NUP93: variants seen among roughly 807,000 people sequenced by gnomAD.
NUP93 encodes nuclear pore complex protein Nup93.
A neutral mutation model predicts 107.8 loss-of-function variants in NUP93; 55 were observed. The observed-to-expected ratio is 0.51, with a 90% confidence interval of 0.41 to 0.64. NUP93 has a LOEUF of 0.64. Among genes scored for constraint, NUP93 ranks in the 30% least tolerant of loss-of-function variants. The probability of loss-of-function intolerance (pLI) is 0.00; values close to 1 mark genes in which losing one functional copy is unlikely to be tolerated. For synonymous variants in NUP93, 390 were observed against 397.5 expected (o/e 0.98, Z 0.22); for missense variants, 937 against 1,044.7 (o/e 0.90, Z 1.42).
chr16:56,808,153 T>TTTTATATAGTTACATAACTATATAA lies in NUP93; in HGVS notation c.489+2521_489+2522insTTTATATAGTTACATAACTATATAA, dbSNP rs1963192887. On this transcript the variant is annotated intron_variant, in intron 5 of 21. Transcript: ENST00000308159. ...ATAAATATATTTATATAACTATATA[T>TTTTATATAGTTACATAACTATATAA]AATATATAGTTATATAACTATATAA... is the stretch of plus-strand genomic sequence containing the variant. 4.7e-5 allele frequency among the ~76,000 whole-genome samples: 3 copies of TTTTATATAGTTACATAACTATATAA among 64,088 alleles called. No homozygotes were observed. In the East Asian group the frequency reaches 1.3e-3, roughly 28 times the overall value. 42.0% of individuals were successfully genotyped at this position (64,088 alleles called of 152,430 possible).
At chr16:56,803,676 A>C (rs940368151) in intron 4 of NUP93, among the ~76,000 whole-genome samples, 29 of 152,232 alleles carry the variant, frequency 1.9e-4, no homozygotes, top group African/African-American at 7.0e-4. Context: ...CATTACGGGA[A>C]CATAAATCAA....
At chr16:56,739,434 C>T (rs1961670506) in intron 1 of NUP93, among the ~76,000 whole-genome samples, 3 of 65,608 alleles carry the variant, frequency 4.6e-5, no homozygotes, top group Non-Finnish European at 9.1e-5. Context: ...GGCGGCTGGC[C>T]GGGCAGAGGG....
chr16:56,815,821 CATT>C (rs1963408407), intron 5 of NUP93, among the ~76,000 whole-genome samples: 1 of 152,102 alleles, frequency 6.6e-6, no homozygotes, highest in East Asian at 1.9e-4. Flanking sequence ...CTCCAGGTCA[CATT>C]GTTGTAAGTA....
chr16:56,806,669 C>T (rs541285204), intron 5 of NUP93, among the ~76,000 whole-genome samples: 1 of 152,244 alleles, frequency 6.6e-6, no homozygotes, highest in Admixed American at 6.5e-5. Context: ...TATTGTGCTG[C>T]TCACAACATG....
chr16:56,839,130 A>G (rs1328197886), intron 19 of NUP93, 61 bp downstream of exon 19: 2 of 1,152,594 alleles, frequency 1.7e-6, no homozygotes, highest in South Asian at 1.3e-5. Context: ...AATTCAAAAC[A>G]CTTCATGGAA....
intron 5 of NUP93, among the ~76,000 whole-genome samples, chr16:56,815,878 CTGCTGCTGCTGCTGCTGCTGG>C (rs765241892): frequency 1.2e-3 from 155 of 131,772 alleles, no homozygotes; most frequent in East Asian, 2.0e-3. Flanking sequence ...GCTGCTGCTG[CTGCTGCTGCTGCTGCTGCTGG>C]TGCTGCTGCT....
intron 5 of NUP93, among the ~76,000 whole-genome samples, chr16:56,813,249 A>G (rs946771627): frequency 2.6e-5 from 4 of 152,246 alleles, no homozygotes; most frequent in African/African-American, 4.8e-5. Flanking sequence ...TTACATCTCA[A>G]CATCTCTCAA....
At chr16:56,812,342 T>A (rs1327492318) in intron 5 of NUP93, among the ~76,000 whole-genome samples, 1 of 152,046 alleles carries the variant, frequency 6.6e-6, no homozygotes, top group Non-Finnish European at 1.5e-5. Context: ...TCCTAGCAAG[T>A]TGTTTTTTTT....
chr16:56,783,567 G>T (rs1325374715), intron 3 of NUP93: 3 of 985,280 alleles, frequency 3.0e-6, no homozygotes, highest in Non-Finnish European at 2.4e-6. Context: ...AATTATCCAC[G>T]CCTTGGTACA....
At position 56,833,392 on chromosome 16, in the gene NUP93, A is replaced by G. The variant is rs745421774; in HGVS notation, c.1523A>G (p.Gln508Arg). ...ELKLLLKSSG[Q>R]SAQLLSHEPG... ...AAGCTGCTTTTAAAGTCCTCTGGAC[A>G]GAGTGCTCAGCTCCGTGAGTATTTG... The change falls in exon 13 of 22, where the codon CAG becomes CGG. Residue 508 changes from glutamine (Q) to arginine (R), a missense_variant. Gln to Arg is a conservative substitution (Grantham distance 43). Transcript: ENST00000308159. 2.1e-5 allele frequency: 33 copies of G among 1,551,308 alleles called. No homozygotes were observed. The highest frequency in any genetic ancestry group is 3.7e-5 in the South Asian group (3 of 80,022).
chr16:56,844,075 T>G (rs1964076137), intron 21 of NUP93, among the ~76,000 whole-genome samples: 1 of 152,134 alleles, frequency 6.6e-6, no homozygotes, highest in African/African-American at 2.4e-5. Flanking sequence ...GCCTCCGGTG[T>G]CACAAGGGCT....
In NUP93 at chr16:56,797,973, C is replaced by T. The variant is rs1456981448; in HGVS notation, c.298-503C>T. Among the ~76,000 whole-genome samples the T allele has an allele frequency of 5.9e-5, 9 of 152,248 alleles. No individual in the cohort carries two copies. In the East Asian group the frequency reaches 1.5e-3, roughly 26 times the overall value. On this transcript the variant is annotated intron_variant, in intron 3 of 21. Coordinates refer to ENST00000308159, the MANE Select transcript of NUP93 (RefSeq NM_014669.5). ...GAAACAGAGAGTGCACATGGCAAAA[C>T]GCTGGAAGAAATGTGTAAAGAAAGG...
chr16:56,834,558 T>A lies in NUP93; in HGVS notation c.1737+116T>A, dbSNP rs115399430. The A allele has an allele frequency of 4.9e-6, 6 of 1,215,290 alleles. No individual in the cohort carries two copies. The Admixed American group carries it at 1.5e-4, about 30-fold the overall frequency. The allele number at this position is 1,215,290 out of a possible 1,614,324, so 75.3% of individuals were successfully genotyped here. A position where few individuals can be genotyped will look rare whatever the true frequency, so the allele number is the denominator to read the frequency against. ...GTGGTGGATAAGGCCTAGGGAGTTT[T>A]TGGAGTTTCTTTGGTTTCTAACAAT... On this transcript the variant is annotated intron_variant, in intron 15 of 21. Transcript: ENST00000308159.
chr16:56,736,763 G>T (rs541815710), intron 1 of NUP93, among the ~76,000 whole-genome samples: 1 of 152,338 alleles, frequency 6.6e-6, no homozygotes, highest in South Asian at 2.1e-4. Context: ...GGATTTGACA[G>T]TCATTGCCAT....
chr16:56,756,294 TG>T (rs1962018385), intron 2 of NUP93, among the ~76,000 whole-genome samples: 6 of 56,382 alleles, frequency 1.1e-4, no homozygotes, highest in Non-Finnish European at 1.8e-4. Flanking sequence ...TCTCTCTCCT[TG>T]CCCCCCCCCC....
chr16:56,805,781 C>T lies in NUP93; in HGVS notation c.489+149C>T, dbSNP rs949382128. ...TTAGCTTTTAGGATGCCGCATTTGC[C>T]TGGACTTCCTCCAACATGTCTGCCT... On this transcript the variant is annotated intron_variant, in intron 5 of 21. Coordinates refer to ENST00000308159, the MANE Select transcript of NUP93 (RefSeq NM_014669.5). 3.7e-6 allele frequency: 3 copies of T among 810,054 alleles called. No homozygotes were observed. The African/African-American group carries it at 5.2e-5, about 14-fold the overall frequency. The allele number at this position is 810,054 out of a possible 1,614,324, so 50.2% of individuals were successfully genotyped here. A position where few individuals can be genotyped will look rare whatever the true frequency, so the allele number is the denominator to read the frequency against.
Position 56,808,525 on chromosome 16 carries a change from T to A in NUP93, c.489+2893T>A, listed in dbSNP as rs551434637. On this transcript the variant is annotated intron_variant, in intron 5 of 21. Coordinates refer to ENST00000308159, the MANE Select transcript of NUP93 (RefSeq NM_014669.5). Reference sequence around the variant, plus strand: ...AAATATATAGTTATGTAACTATATATAAATATAGTTATATAACTATAAATA... The same window carrying A: ...AAATATATAGTTATGTAACTATATAAAAATATAGTTATATAACTATAAATA... 6.0e-3 allele frequency among the ~76,000 whole-genome samples: 683 copies of A among 114,666 alleles called. 35 individuals are homozygous for A. The highest frequency in any genetic ancestry group is 0.035 in the Admixed American group (359 of 10,218). 75.2% of individuals were successfully genotyped at this position (114,666 alleles called of 152,430 possible).
intron 5 of NUP93, among the ~76,000 whole-genome samples, chr16:56,814,802 C>T (rs964025619): frequency 1.3e-5 from 2 of 152,236 alleles, no homozygotes; most frequent in African/African-American, 4.8e-5. Flanking sequence ...CTCTGGCTCC[C>T]TGCTCCTGTC....
chr16:56,801,496 T>C (rs1267619823), intron 4 of NUP93, among the ~76,000 whole-genome samples: 2 of 151,672 alleles, frequency 1.3e-5, no homozygotes, highest in Non-Finnish European at 2.9e-5. Context: ...CACCGCAACC[T>C]CCATCTCCAG....
Sources: gnomAD v4.1 joint callset for allele counts (sites outside exome capture counted in the v4.1 genomes callset) on GRCh38, gnomAD v4.1.1 for gene constraint, MANE v1.5 for transcripts, NCBI Gene and HGNC (gene_info 2026-07-23, HGNC 2026-07-21) for gene names.